Variants in SLC25A13 observed in about 807,000 individuals in gnomAD.
SLC25A13 encodes electrogenic aspartate/glutamate antiporter SLC25A13, mitochondrial.
SLC25A13 carries 70 observed loss-of-function variants against 85.5 expected under a neutral mutation model. The ratio of observed to expected loss-of-function variants is 0.82; its 90% CI spans 0.68 to 1.00. The LOEUF (loss-of-function observed/expected upper bound fraction) is 1.00, where lower values mean the gene tolerates loss of function less well. Among genes scored for constraint, SLC25A13 ranks in the 50% least tolerant of loss-of-function variants. The pLI is 0.00. For synonymous variants in SLC25A13, 259 were observed against 288.7 expected, an observed-to-expected ratio of 0.90 and a Z score of 1.04; for missense variants, 765 against 819.8, an observed-to-expected ratio of 0.93 and a Z score of 0.82.
chr7:96,274,662 A>C (rs575517106), intron 3 of SLC25A13, among the ~76,000 whole-genome samples: 1 of 152,208 alleles, frequency 6.6e-6, no homozygotes, highest in South Asian at 2.1e-4. Context: ...TAAGTCTTTA[A>C]TCCATCTTGA....
At chr7:96,159,125 C>A (rs1372165190) in intron 13 of SLC25A13, among the ~76,000 whole-genome samples, 1 of 152,154 alleles carries the variant, frequency 6.6e-6, no homozygotes, top group Non-Finnish European at 1.5e-5. Flanking sequence ...GGCATGAGGT[C>A]GGAAGGCCAC....
intron 4 of SLC25A13, among the ~76,000 whole-genome samples, chr7:96,228,480 GC>G (rs1445079639): frequency 4.6e-5 from 7 of 152,224 alleles, no homozygotes; most frequent in African/African-American, 1.7e-4. Context: ...ATACCAACTG[GC>G]AAAGATCTAA....
At chr7:96,268,662 C>T (rs562630297) in intron 3 of SLC25A13, among the ~76,000 whole-genome samples, 1 of 152,326 alleles carries the variant, frequency 6.6e-6, no homozygotes, top group Admixed American at 6.5e-5. Flanking sequence ...TGCTGTTACA[C>T]AGGCAAATCG....
intron 5 of SLC25A13, among the ~76,000 whole-genome samples, chr7:96,205,313 C>T (rs894416435): frequency 5.3e-5 from 8 of 152,250 alleles, no homozygotes; most frequent in Middle Eastern, 3.4e-3. Context: ...TTAAAACTAG[C>T]GGCTATAAAA....
chr7:96,307,622 T>C (rs971332941), intron 1 of SLC25A13, among the ~76,000 whole-genome samples: 6 of 151,592 alleles, frequency 4.0e-5, no homozygotes, highest in Non-Finnish European at 7.4e-5. Context: ...ATGGCATAAA[T>C]GAAACAATAT....
At chr7:96,171,392 T>A in intron 12 of SLC25A13, 80 bp downstream of exon 12, 2 of 1,297,460 alleles carry the variant, frequency 1.5e-6, no homozygotes, top group Non-Finnish European at 2.2e-6. Flanking sequence ...ACAAACCTGC[T>A]GTTTCCTATA....
chr7:96,266,622 C>G (rs1798051345), intron 3 of SLC25A13, among the ~76,000 whole-genome samples: 1 of 152,040 alleles, frequency 6.6e-6, no homozygotes, highest in African/African-American at 2.4e-5. Context: ...AAAAGAAAAC[C>G]CAGGCACCTG....
At chr7:96,227,610 C>G (rs1284642552) in intron 4 of SLC25A13, among the ~76,000 whole-genome samples, 1 of 152,128 alleles carries the variant, frequency 6.6e-6, no homozygotes, top group African/African-American at 2.4e-5. Flanking sequence ...CATTCAGATA[C>G]AGTCCCATAC....
intron 11 of SLC25A13, among the ~76,000 whole-genome samples, chr7:96,172,413 C>A (rs1352736247): frequency 1.3e-5 from 2 of 151,992 alleles, no homozygotes; most frequent in African/African-American, 4.8e-5. Context: ...CAAAAATTAG[C>A]TGGGTGTGGT....
chr7:96,159,599 G>A (rs1045637919), intron 13 of SLC25A13, among the ~76,000 whole-genome samples: 1 of 152,192 alleles, frequency 6.6e-6, no homozygotes, highest in African/African-American at 2.4e-5. Flanking sequence ...TCTGTGGTAT[G>A]AGGCATTTTG....
At chr7:96,140,959 T>C (rs1023584393) in intron 14 of SLC25A13, among the ~76,000 whole-genome samples, 5 of 151,952 alleles carry the variant, frequency 3.3e-5, no homozygotes, top group Non-Finnish European at 7.4e-5. Flanking sequence ...AGCTTCTTTT[T>C]CTTCACGGTA....
At chr7:96,150,863 A>G (rs900150523) in intron 13 of SLC25A13, among the ~76,000 whole-genome samples, 11 of 152,062 alleles carry the variant, frequency 7.2e-5, no homozygotes, top group African/African-American at 2.7e-4. Flanking sequence ...TAATATAGCA[A>G]CGTACCCAGG....
chr7:96,235,244 T>C (rs1796702836), intron 3 of SLC25A13, among the ~76,000 whole-genome samples: 1 of 152,218 alleles, frequency 6.6e-6, no homozygotes, highest in African/African-American at 2.4e-5. Flanking sequence ...TGCAGATACT[T>C]TAGACTAAGA....
At chr7:96,214,445 C>G (rs1450074267) in intron 4 of SLC25A13, among the ~76,000 whole-genome samples, 1 of 152,128 alleles carries the variant, frequency 6.6e-6, no homozygotes, top group African/African-American at 2.4e-5. Flanking sequence ...AAAAACAACT[C>G]GGTCAGGCGC....
In SLC25A13 at chr7:96,171,775, T is replaced by C. The variant is rs144847839; in HGVS notation, c.1178-251A>G. Among the ~76,000 whole-genome samples, 14 of 152,308 alleles carry C rather than the reference T, an allele frequency of 9.2e-5. No individual in the cohort carries two copies. The East Asian group carries it at 1.9e-3, about 21-fold the overall frequency. On this transcript the variant is annotated intron_variant, in intron 11 of 17. Transcript: ENST00000265631. ...TTGGGTAAATCAACAGTATTAGTGA[T>C]ATAGGAAATCTCATTATTCCCCCAA...
intron 14 of SLC25A13, among the ~76,000 whole-genome samples, chr7:96,141,178 A>G (rs1294836052): frequency 6.6e-6 from 1 of 151,786 alleles, no homozygotes; most frequent in East Asian, 1.9e-4. Flanking sequence ...GTGTACCACC[A>G]TGCCCCGCTA....
At chr7:96,290,899 G>A (rs941532399) in intron 2 of SLC25A13, among the ~76,000 whole-genome samples, 1 of 152,152 alleles carries the variant, frequency 6.6e-6, no homozygotes, top group African/African-American at 2.4e-5. Flanking sequence ...GGATATCCAG[G>A]AATTGAACTC....
At position 96,229,037 on chromosome 7, in the gene SLC25A13, C is replaced by G. The variant is rs376034040; in HGVS notation, c.328+5765G>C. On this transcript the variant is annotated intron_variant, in intron 4 of 17. Transcript: ENST00000265631. Reference sequence around the variant, plus strand: ...CAGCCTGAGCCTCCCCAACGGGTGCCGCCCCCTGCTCCGCAGCGCCCAGGT... The same window carrying G: ...CAGCCTGAGCCTCCCCAACGGGTGCGGCCCCCTGCTCCGCAGCGCCCAGGT... Among the ~76,000 whole-genome samples the G allele has an allele frequency of 4.6e-5, 7 of 152,290 alleles. No homozygotes were observed. In the South Asian group the frequency reaches 1.5e-3, roughly 32 times the overall value.
chr7:96,273,390 C>G (rs945299184), intron 3 of SLC25A13, among the ~76,000 whole-genome samples: 1 of 152,186 alleles, frequency 6.6e-6, no homozygotes, highest in African/African-American at 2.4e-5. Flanking sequence ...CACACCAGAT[C>G]TGCAAATATA....
Sources: allele counts gnomAD v4.1 joint callset (sites outside exome capture counted in the v4.1 genomes callset), GRCh38; gene constraint gnomAD v4.1.1; transcripts MANE v1.5; gene names NCBI Gene and HGNC (gene_info 2026-07-23, HGNC 2026-07-21).